SYNE1: variants seen among roughly 807,000 people sequenced by gnomAD.
SYNE1 encodes the protein nesprin-1.
Under a neutral mutation model 1,111.0 loss-of-function variants are expected in SYNE1, and 616 were observed. The observed-to-expected ratio is 0.55, with a 90% CI of 0.52 to 0.59. The LOEUF is 0.59. SYNE1 is among the 20% of genes least tolerant of loss of function. SYNE1 has a pLI of 0.00. For synonymous variants in SYNE1, 3,855 were observed against 3,825.8 expected, an observed-to-expected ratio of 1.01 and a Z score of -0.28; for missense variants, 10,006 against 10,417.0, an observed-to-expected ratio of 0.96 and a Z score of 1.72.
intron 121 of SYNE1, among the ~76,000 whole-genome samples, chr6:152,215,690 A>T (rs765510108): frequency 5.3e-5 from 8 of 152,234 alleles, no homozygotes; most frequent in Admixed American, 1.3e-4. Context: ...TCAAGCACTG[A>T]CAAGAGCTTT....
At chr6:152,169,926 A>G (rs2064761722) in intron 130 of SYNE1, among the ~76,000 whole-genome samples, 1 of 152,124 alleles carries the variant, frequency 6.6e-6, no homozygotes, top group Admixed American at 6.5e-5. Context: ...ATATTAATGT[A>G]TTTTTAGTAA....
intron 6 of SYNE1, chr6:152,511,424 T>C: frequency 2.9e-6 from 2 of 696,312 alleles, no homozygotes; most frequent in East Asian, 2.7e-5. Context: ...TATTTATATT[T>C]AGAGGTTGAC....
At chr6:152,532,532 TA>T (rs1487672500) in intron 4 of SYNE1, among the ~76,000 whole-genome samples, 3 of 152,152 alleles carry the variant, frequency 2.0e-5, no homozygotes, top group Non-Finnish European at 4.4e-5. Context: ...CACAGTTAAG[TA>T]TTTACTTCAG....
rs532418373 is a variant in SYNE1, at chr6:152,559,351, T to A, written c.68-19330A>T. ...CCTTACCTCAAGCAATCCTCCCACCTCAGCCTCCTAAAATGCTGTGATTAC... is the reference window on the plus strand; with the variant it reads ...CCTTACCTCAAGCAATCCTCCCACCACAGCCTCCTAAAATGCTGTGATTAC... On this transcript the variant is annotated intron_variant, in intron 3 of 145. Coordinates refer to ENST00000367255, the MANE Select transcript of SYNE1 (RefSeq NM_182961.4). Among the ~76,000 whole-genome samples the A allele has an allele frequency of 8.9e-4, 135 of 152,294 alleles. 1 individual carries two copies. Among genetic ancestry groups the A allele is most frequent in the Middle Eastern group, 3.4e-3 (1 of 294 alleles).
At chr6:152,190,276 A>C (rs2071851872) in intron 127 of SYNE1, among the ~76,000 whole-genome samples, 1 of 152,082 alleles carries the variant, frequency 6.6e-6, no homozygotes, top group African/African-American at 2.4e-5. Context: ...CTCCATCTCT[A>C]ACTCTAGTCC....
chr6:152,619,595 A>C (rs1026021091), intron 3 of SYNE1, among the ~76,000 whole-genome samples: 4 of 152,186 alleles, frequency 2.6e-5, no homozygotes, highest in African/African-American at 9.6e-5. Flanking sequence ...TCCATAAAGA[A>C]CTTCCCCAAA....
chr6:152,321,818 T>G lies in SYNE1; in HGVS notation c.15986A>C (p.Glu5329Ala), dbSNP rs886044412. 9 of 1,613,930 alleles carry G rather than the reference T, an allele frequency of 5.6e-6. No homozygotes were observed. The highest frequency in any genetic ancestry group is 1.3e-5 in the African/African-American group (1 of 74,922). The change falls in exon 83 of 146, where the codon GAG (glutamate) becomes GCG (alanine). Residue 5329 changes from glutamate to alanine, a missense_variant. Physicochemically the swap from Glu to Ala is moderately radical, Grantham distance 107. Transcript: ENST00000367255. ...KQELKDREMV[E>A]TQINSVKCWV... Reference sequence around the variant, plus strand: ...ACATTTCACAGAATTGATCTGAGTCTCCACCATTTCTCGGTCCTTCAGCTC... The same window carrying G: ...ACATTTCACAGAATTGATCTGAGTCGCCACCATTTCTCGGTCCTTCAGCTC...
chr6:152,449,790 A>C, intron 27 of SYNE1, 149 bp from the exon 28 acceptor site: 5 of 704,360 alleles, frequency 7.1e-6, no homozygotes, highest in Non-Finnish European at 9.7e-6. Context: ...TTCTTTTAAC[A>C]TGAAGCTCAT....
chr6:152,189,212 T>C, intron 128 of SYNE1, 40 bp downstream of exon 128: 1 of 1,609,486 alleles, frequency 6.2e-7, no homozygotes, highest in Non-Finnish European at 8.5e-7. Context: ...CTCCCAATTT[T>C]CCATCATCAA....
chr6:152,123,588 G>C (rs978779246), intron 145 of SYNE1, among the ~76,000 whole-genome samples: 2 of 152,138 alleles, frequency 1.3e-5, no homozygotes, highest in African/African-American at 4.8e-5. Context: ...TTTTCTTTTT[G>C]TGAACAGCCA....
At chr6:152,482,298 T>C (rs1388278752) in intron 14 of SYNE1, among the ~76,000 whole-genome samples, 11 of 152,194 alleles carry the variant, frequency 7.2e-5, no homozygotes, top group Non-Finnish European at 1.5e-5. Flanking sequence ...TTGTCTAGAA[T>C]ACAGGACAGT....
Position 152,420,940 on chromosome 6 carries a change from G to A in SYNE1, c.5268-1218C>T, listed in dbSNP as rs2098249316. Among the ~76,000 whole-genome samples, 3 of 152,150 alleles carry A rather than the reference G, an allele frequency of 2.0e-5. 1 individual carries two copies. In the South Asian group the frequency reaches 6.2e-4, roughly 32 times the overall value. ...GAGACTATTTGTGAGCATTCTTAATGTATGGTAATATAGTTATTTGTATAA... is the reference window on the plus strand; with the variant it reads ...GAGACTATTTGTGAGCATTCTTAATATATGGTAATATAGTTATTTGTATAA... On this transcript the variant is annotated intron_variant, in intron 39 of 145. Transcript: ENST00000367255.
At chr6:152,228,005 G>T (rs926060203) in intron 115 of SYNE1, among the ~76,000 whole-genome samples, 9 of 152,022 alleles carry the variant, frequency 5.9e-5, no homozygotes, top group African/African-American at 2.2e-4. Flanking sequence ...TTTTATGTTG[G>T]TTTAAATTAA....
At position 152,224,561 on chromosome 6, in the gene SYNE1, G is replaced by C. The variant is rs2081013353; in HGVS notation, c.21455C>G (p.Ser7152Cys). 6.2e-7 allele frequency: 1 copy of C among 1,613,938 alleles called. No individual in the cohort carries two copies. Among genetic ancestry groups the C allele is most frequent in the Admixed American group, 1.7e-5 (1 of 59,986 alleles). Reference protein sequence around the residue: ...INSYLMEARYSLSRFRLLTGS... With the variant: ...INSYLMEARYCLSRFRLLTGS... ...AGTCAGCAGACGGAATCGGGAAAGA[G>C]AGTATCTGGCCTCCATGAGGTAACT... The change falls in exon 117 of 146, where the codon TCT becomes TGT. Residue 7152 changes from serine to cysteine, a missense_variant. Around this residue, in one of 7 missense-constraint regions of SYNE1, gnomAD observed 2,182 missense variants for 2,287.8 expected, o/e 0.95. Transcript: ENST00000367255.
At chr6:152,595,081 G>T (rs11963796) in intron 3 of SYNE1, among the ~76,000 whole-genome samples, 4,662 of 152,146 alleles carry the variant, frequency 0.031, 232 homozygotes, top group African/African-American at 0.11. Flanking sequence ...CCATACTGCT[G>T]CTCCTTTTCA....
intron 55 of SYNE1, among the ~76,000 whole-genome samples, chr6:152,383,879 C>T (rs1414463169): frequency 6.6e-6 from 1 of 152,220 alleles, no homozygotes; most frequent in Non-Finnish European, 1.5e-5. Flanking sequence ...CTCATGTCTT[C>T]ACCTCTATCA....
At chr6:152,355,854 T>G (rs2096828048) in intron 66 of SYNE1, among the ~76,000 whole-genome samples, 1 of 152,184 alleles carries the variant, frequency 6.6e-6, no homozygotes, top group African/African-American at 2.4e-5. Flanking sequence ...CACTTAAGAT[T>G]GCTAAAATAT....
chr6:152,605,382 C>T (rs2695253), intron 3 of SYNE1, among the ~76,000 whole-genome samples: 63,661 of 146,472 alleles, frequency 0.43, 14,247 homozygotes, highest in East Asian at 0.62. Flanking sequence ...CCTCTTAAAT[C>T]AGAAACAAAA....
chr6:152,346,672 T>C (rs976467958), intron 73 of SYNE1, among the ~76,000 whole-genome samples: 1 of 151,654 alleles, frequency 6.6e-6, no homozygotes. Flanking sequence ...TAGCCAGGCG[T>C]GGTGGCGGGC....
Sources: gnomAD v4.1 joint callset for allele counts (sites outside exome capture counted in the v4.1 genomes callset) on GRCh38, gnomAD v4.1.1 for gene constraint, gnomAD v4.1.1 regional missense constraint, MANE v1.5 for transcripts, NCBI Gene and HGNC (gene_info 2026-07-23, HGNC 2026-07-21) for gene names.